Variants in KPTN observed in about 807,000 individuals in gnomAD.
The protein encoded by KPTN is KICSTOR complex protein kaptin.
Under a neutral mutation model 52.6 loss-of-function variants are expected in KPTN, and 36 were observed. That is an observed-to-expected ratio of 0.68 (90% confidence interval 0.52 to 0.90). KPTN has a LOEUF of 0.90. Among genes scored for constraint, KPTN ranks in the 40% least tolerant of loss-of-function variants. The pLI, the probability that KPTN is intolerant of heterozygous loss-of-function variation, is 0.00. For missense variants in KPTN, 529 were observed against 576.2 expected (o/e 0.92, Z 0.84); for synonymous variants, 271 against 248.4 (o/e 1.09, Z -0.85).
At position 47,477,706 on chromosome 19, in the gene KPTN, C is replaced by G. The variant is rs772378754; in HGVS notation, c.863G>C (p.Arg288Pro). The G allele has an allele frequency of 6.2e-7, 1 of 1,611,896 alleles. No homozygotes were observed. The highest frequency in any genetic ancestry group is 8.5e-7 in the Non-Finnish European group (1 of 1,178,220). ...ASMLEPAVVY[R>P]DLLNRGLEDQ... ...ACCCATGTGTCTCAGGCCCCCTCAC[C>G]GATACACCACTGCTGGCTCCAACAT... Residue 288 changes from arginine (R) to proline (P), a missense_variant and splice_region_variant, in exon 9 of 12, where the codon CGG (arginine) becomes CCG (proline). Physicochemically the swap from Arg to Pro is moderately radical, Grantham distance 103. Transcript: ENST00000338134.
intron 9 of KPTN, 151 bp from the exon 10 acceptor site, chr19:47,477,089 G>A: frequency 1.2e-6 from 1 of 806,094 alleles, no homozygotes; most frequent in Non-Finnish European, 1.9e-6. Context: ...TCTCAGATTT[G>A]GACATATTCA....
In KPTN at chr19:47,475,439, G is replaced by C. The variant is rs763864763; in HGVS notation, c.1288C>G (p.Pro430Ala). The C allele has an allele frequency of 1.2e-6, 2 of 1,612,898 alleles. No individual in the cohort carries two copies. Among genetic ancestry groups the C allele is most frequent in the Admixed American group, 3.3e-5 (2 of 59,922 alleles). The change falls in exon 12 of 12, where the codon CCT (proline) becomes GCT (alanine). Residue 430 changes from proline (P) to alanine (A), a missense_variant. Transcript: ENST00000338134. The part of the protein sequence containing the change: ...QGLEDGAGAG[P>A]AENAAS ...GCTTAAGAGGCTGCATTCTCAGCAG[G>C]CCCTGCACCTGCCCCGTCCTCCAAC...
At chr19:47,475,594 G>A (rs1164670616) in intron 11 of KPTN, 50 bp from the exon 12 acceptor site, 4 of 1,598,480 alleles carry the variant, frequency 2.5e-6, no homozygotes, top group Admixed American at 1.7e-5. Flanking sequence ...AGAGCTGTGG[G>A]ACCACAGCGG....
At chr19:47,484,566 G>T (rs1291540064), upstream of KPTN, 3 of 199,570 alleles carry the variant, frequency 1.5e-5, no homozygotes, top group Admixed American at 5.5e-5. Flanking sequence ...AATTCGCAAG[G>T]GGGTGGAGGT....
Position 47,475,469 on chromosome 19 carries a change from G to A in KPTN, c.1258C>T (p.Gln420Ter), listed in dbSNP as rs1338892104. The A allele has an allele frequency of 1.2e-6, 2 of 1,613,512 alleles. No individual in the cohort carries two copies. Among genetic ancestry groups the A allele is most frequent in the South Asian group, 2.2e-5 (2 of 90,998 alleles). The change falls in exon 12 of 12, where the codon CAG becomes TAG. Residue 420 changes from glutamine (Q) to a stop codon, truncating the protein, a stop_gained. Coordinates refer to ENST00000338134, the MANE Select transcript of KPTN (RefSeq NM_007059.4). LOFTEE classifies it low-confidence loss of function (END_TRUNC). ...GCACCTGCCCCGTCCTCCAACCCCT[G>A]TAGCCGACGTCTCCTCTGCTCCACT... is the stretch of plus-strand genomic sequence containing the variant. Reference protein sequence around the residue: ...HQVEQRRRRLQGLEDGAGAGP... With the variant: ...HQVEQRRRRL
intron 4 of KPTN, among the ~76,000 whole-genome samples, chr19:47,482,562 G>A (rs112742057): frequency 7.9e-5 from 12 of 151,612 alleles, no homozygotes; most frequent in African/African-American, 2.7e-4. Flanking sequence ...GGACAAGTTC[G>A]TGGTCTCCAG....
intron 4 of KPTN, 83 bp from the exon 5 acceptor site, chr19:47,481,116 G>A: frequency 8.9e-7 from 1 of 1,123,026 alleles, no homozygotes; most frequent in Non-Finnish European, 1.3e-6. Context: ...AAAAACCCCT[G>A]CCTGTTGAGA....
At position 47,477,869 on chromosome 19, in the gene KPTN, G is replaced by T; in HGVS notation, c.788-88C>A. The T allele has an allele frequency of 3.5e-6, 3 of 850,206 alleles. No individual in the cohort carries two copies. The South Asian group carries it at 4.1e-5, about 12-fold the overall frequency. The allele number at this position is 850,206 out of a possible 1,614,324, so 52.7% of individuals were successfully genotyped here. ...GAGGTCAGGAGTTCGAGACCAGCCT[G>T]GTCAACATGATAAAACCCCGCCTCT... On this transcript the variant is annotated intron_variant, in intron 8 of 11. Coordinates refer to ENST00000338134, the MANE Select transcript of KPTN (RefSeq NM_007059.4).
intron 4 of KPTN, among the ~76,000 whole-genome samples, chr19:47,482,480 C>CAAAAAAA (rs774530971): frequency 1.0e-4 from 7 of 70,162 alleles, no homozygotes; most frequent in Admixed American, 1.6e-4. Context: ...GCATCTATCT[C>CAAAAAAA]AAAAAAAAAA....
upstream of KPTN, chr19:47,484,315 C>A: frequency 1.0e-6 from 1 of 978,112 alleles, no homozygotes; most frequent in East Asian, 2.7e-5. Context: ...AAGATGGCGG[C>A]CAGGTCGCCT....
At chr19:47,480,018 C>T in intron 7 of KPTN, 78 bp from the exon 8 acceptor site, 2 of 1,224,052 alleles carry the variant, frequency 1.6e-6, no homozygotes, top group South Asian at 1.3e-5. Context: ...GACTTTCCGC[C>T]CCCACCGTTC....
intron 1 of KPTN, 99 bp from the exon 2 acceptor site, chr19:47,483,683 G>C: frequency 1.0e-6 from 1 of 986,016 alleles, no homozygotes; most frequent in South Asian, 1.6e-5. Flanking sequence ...ATGCCCTCTG[G>C]TCTGAGTCCT....
Position 47,476,550 on chromosome 19 carries a change from C to T in KPTN, c.1164G>A (p.Lys388=). The change falls in exon 11 of 12, where the codon AAG becomes AAA. Residue 388 remains lysine (K), a synonymous_variant. Transcript: ENST00000338134. ...GLQELAVVSL[K]GVHILQHSLI... ...GGGATACCTGCAGGATGTGCACGCCCTTCAGGGAGACCACGGCAAGCTCCT... is the reference window on the plus strand; with the variant it reads ...GGGATACCTGCAGGATGTGCACGCCTTTCAGGGAGACCACGGCAAGCTCCT... The T allele has an allele frequency of 6.2e-7, 1 of 1,609,952 alleles. No individual in the cohort carries two copies. Among genetic ancestry groups the T allele is most frequent in the Non-Finnish European group, 8.5e-7 (1 of 1,179,174 alleles).
At chr19:47,485,096 T>C (rs545516188), upstream of KPTN, among the ~76,000 whole-genome samples, 1 of 152,286 alleles carries the variant, frequency 6.6e-6, no homozygotes, top group Non-Finnish European at 1.5e-5. Context: ...CCACCTCCTT[T>C]ATCGAACACC....
Position 47,483,987 on chromosome 19 carries a change from G to A in KPTN, c.174C>T (p.Leu58=). The change falls in exon 1 of 12, where the codon CTC becomes CTT. Residue 58 remains leucine, a synonymous_variant. Transcript: ENST00000338134. ...TGGCCACTGGCCGGATTTTCTGTCGGAGGTCTTGGTAGCGGAAGCCGAGCA... is the reference window on the plus strand; with the variant it reads ...TGGCCACTGGCCGGATTTTCTGTCGAAGGTCTTGGTAGCGGAAGCCGAGCA... The part of the protein sequence containing the change: ...GKVLGFRYQD[L]RQKIRPVAKE... 1 of 1,613,670 alleles carries A rather than the reference G, an allele frequency of 6.2e-7. No individual in the cohort carries two copies. The highest frequency in any genetic ancestry group is 8.5e-7 in the Non-Finnish European group (1 of 1,179,988).
At chr19:47,479,838 C>G in intron 8 of KPTN, 25 bp downstream of exon 8, 1 of 1,598,850 alleles carries the variant, frequency 6.3e-7, no homozygotes, top group Non-Finnish European at 8.6e-7. Context: ...CGCTCTCTCC[C>G]CATCCCCTCA....
At chr19:47,477,957 G>A (rs1967732168) in intron 8 of KPTN, among the ~76,000 whole-genome samples, 176 bp from the exon 9 acceptor site, 1 of 152,108 alleles carries the variant, frequency 6.6e-6, no homozygotes, top group African/African-American at 2.4e-5. Flanking sequence ...CTACTCAGGA[G>A]GCTGAGGCAG....
chr19:47,480,659 T>G, intron 6 of KPTN, 101 bp downstream of exon 6: 2 of 1,101,650 alleles, frequency 1.8e-6, no homozygotes, highest in Non-Finnish European at 1.4e-6. Flanking sequence ...CTGATTTTTC[T>G]GAGCTCCTCC....
chr19:47,484,113 C>T lies in KPTN; in HGVS notation c.48G>A (p.Glu16=), dbSNP rs1214162884. The T allele has an allele frequency of 3.1e-6, 5 of 1,603,542 alleles. No homozygotes were observed. In the Admixed American group the frequency reaches 8.3e-5, roughly 27 times the overall value. ...AVAAGPCPLR[E]DSFTRFSSQS... ...GCGACGAGAAGCGCGTGAAGCTGTC[C>T]TCGCGCAACGGACAAGGCCCCGCGG... The change falls in exon 1 of 12, where the codon GAG becomes GAA. Residue 16 remains glutamate, a synonymous_variant. Coordinates refer to ENST00000338134, the MANE Select transcript of KPTN (RefSeq NM_007059.4).
Sources: gnomAD v4.1 joint callset for allele counts (sites outside exome capture counted in the v4.1 genomes callset) on GRCh38, gnomAD v4.1.1 for gene constraint, MANE v1.5 for transcripts, NCBI Gene and HGNC (gene_info 2026-07-23, HGNC 2026-07-21) for gene names.